SYN3: variants seen among roughly 807,000 people sequenced by gnomAD.
The protein encoded by SYN3 is synapsin-3.
A neutral mutation model predicts 65.8 loss-of-function variants in SYN3; 35 were observed. That is an observed-to-expected ratio of 0.53 (90% CI 0.41 to 0.70). The LOEUF (loss-of-function observed/expected upper bound fraction) is 0.70, where lower values mean the gene tolerates loss of function less well. SYN3 is among the 30% of genes least tolerant of loss of function. SYN3 has a pLI of 0.00. For missense variants in SYN3, 680 were observed against 749.0 expected, an observed-to-expected ratio of 0.91 and a Z score of 1.08; for synonymous variants, 270 against 292.9, an observed-to-expected ratio of 0.92 and a Z score of 0.80.
chr22:32,995,429 C>T (rs1287478241), intron 2 of SYN3, among the ~76,000 whole-genome samples: 1 of 152,178 alleles, frequency 6.6e-6, no homozygotes, highest in African/African-American at 2.4e-5. Flanking sequence ...CATTCATTGT[C>T]TATCTAAGTA....
chr22:32,644,113 T>C (rs1011067586), intron 6 of SYN3, among the ~76,000 whole-genome samples: 10 of 120,352 alleles, frequency 8.3e-5, no homozygotes, highest in Admixed American at 2.1e-4. Flanking sequence ...GCGACAAGAC[T>C]GACTGATGAT....
chr22:32,540,326 G>T (rs1233767744), intron 8 of SYN3, among the ~76,000 whole-genome samples: 2 of 152,192 alleles, frequency 1.3e-5, no homozygotes, highest in African/African-American at 4.8e-5. Flanking sequence ...TGTGGTTGTG[G>T]TTTGCCAACC....
chr22:32,545,693 TG>T (rs35817208), intron 7 of SYN3, among the ~76,000 whole-genome samples: 1 of 152,184 alleles, frequency 6.6e-6, no homozygotes, highest in South Asian at 2.1e-4. Flanking sequence ...CTCAAGTAGC[TG>T]GGACTACAGG....
At position 32,603,356 on chromosome 22, in the gene SYN3, C is replaced by CAAA. The variant is rs10670581; in HGVS notation, c.712-6623_712-6621dup. On this transcript the variant is annotated intron_variant, in intron 6 of 13. Transcript: ENST00000358763. Reference sequence around the variant, plus strand: ...TGAAATCCCATCTCTACTAAAAATACAAAAAAAAAAAAAAATAGCCAGGTA... The same window carrying CAAA: ...TGAAATCCCATCTCTACTAAAAATACAAAAAAAAAAAAAAAAAATAGCCAGGTA... Among the ~76,000 whole-genome samples the CAAA allele has an allele frequency of 8.3e-3, 1,045 of 125,956 alleles. 13 individuals are homozygous for CAAA. The highest frequency in any genetic ancestry group is 0.027 in the African/African-American group (926 of 34,720). The allele number at this position is 125,956 out of a possible 152,430, so 82.6% of individuals were successfully genotyped here. A position where few individuals can be genotyped will look rare whatever the true frequency, so the allele number is the denominator to read the frequency against.
At chr22:32,825,597 G>A (rs2047379450) in intron 6 of SYN3, among the ~76,000 whole-genome samples, 1 of 137,696 alleles carries the variant, frequency 7.3e-6, no homozygotes, top group Admixed American at 7.9e-5. Context: ...GGCAGAGGTT[G>A]CAGTGAGCCG....
At chr22:32,773,188 C>T (rs949311174) in intron 6 of SYN3, among the ~76,000 whole-genome samples, 1 of 150,774 alleles carries the variant, frequency 6.6e-6, no homozygotes, top group Non-Finnish European at 1.5e-5. Flanking sequence ...GGGCAGATTG[C>T]CTGAGCTTAG....
intron 7 of SYN3, among the ~76,000 whole-genome samples, chr22:32,581,178 C>T (rs982083256): frequency 2.6e-5 from 4 of 152,156 alleles, no homozygotes; most frequent in African/African-American, 4.8e-5. Flanking sequence ...GGTGCAATCT[C>T]GGCTCACTGC....
intron 6 of SYN3, among the ~76,000 whole-genome samples, chr22:32,608,878 T>G (rs970799202): frequency 6.6e-6 from 1 of 152,246 alleles, no homozygotes; most frequent in Non-Finnish European, 1.5e-5. Flanking sequence ...TAATTTAAAC[T>G]GATACGCAGT....
At chr22:32,514,284 T>A (rs1161772698) in intron 13 of SYN3, among the ~76,000 whole-genome samples, 1 of 152,200 alleles carries the variant, frequency 6.6e-6, no homozygotes, top group Non-Finnish European at 1.5e-5. Flanking sequence ...TTCTAGAACC[T>A]TCTCTGCTCT....
intron 1 of SYN3, among the ~76,000 whole-genome samples, chr22:33,034,134 C>G (rs577471461): frequency 6.7e-6 from 1 of 148,414 alleles, no homozygotes. Flanking sequence ...TGCAGTGAGT[C>G]GAGATTGTGC....
chr22:32,888,042 T>C (rs1190785715), intron 4 of SYN3, among the ~76,000 whole-genome samples: 2 of 152,120 alleles, frequency 1.3e-5, no homozygotes, highest in African/African-American at 2.4e-5. Context: ...CAATACCTCA[T>C]TATAGTTTTT....
intron 6 of SYN3, among the ~76,000 whole-genome samples, chr22:32,612,963 G>A (rs2059466468): frequency 6.6e-6 from 1 of 152,158 alleles, no homozygotes; most frequent in African/African-American, 2.4e-5. Context: ...GGATCATGGG[G>A]GCAGATTTCT....
chr22:32,990,491 C>G (rs1019173071), intron 2 of SYN3, among the ~76,000 whole-genome samples: 3 of 151,470 alleles, frequency 2.0e-5, no homozygotes, highest in East Asian at 1.9e-4. Flanking sequence ...CATCCATCCA[C>G]ACATTCGCCC....
chr22:32,814,350 A>G (rs1445928231), intron 6 of SYN3, among the ~76,000 whole-genome samples: 6 of 131,544 alleles, frequency 4.6e-5, no homozygotes, highest in South Asian at 2.5e-4. Context: ...AGAAAGAAAG[A>G]GAGAAAGAAA....
At chr22:32,634,413 A>G (rs1023693166) in intron 6 of SYN3, among the ~76,000 whole-genome samples, 2 of 152,182 alleles carry the variant, frequency 1.3e-5, no homozygotes, top group African/African-American at 4.8e-5. Context: ...ACTGAATTCA[A>G]ATATATGTTC....
chr22:32,735,949 C>A (rs1001714290), intron 6 of SYN3, among the ~76,000 whole-genome samples: 6 of 152,158 alleles, frequency 3.9e-5, no homozygotes, highest in Non-Finnish European at 8.8e-5. Flanking sequence ...AGGGGGATGG[C>A]AGCAAGGGGC....
intron 4 of SYN3, among the ~76,000 whole-genome samples, chr22:32,885,933 C>T (rs1289727331): frequency 6.6e-6 from 1 of 152,212 alleles, no homozygotes; most frequent in Non-Finnish European, 1.5e-5. Flanking sequence ...AACCAGGATT[C>T]ACCTCATGGC....
intron 6 of SYN3, among the ~76,000 whole-genome samples, chr22:32,615,487 A>AG (rs1322239279): frequency 4.7e-5 from 7 of 149,794 alleles, no homozygotes; most frequent in Non-Finnish European, 1.0e-4. Context: ...GGAGAAATGG[A>AG]GTCAGGGAGG....
intron 1 of SYN3, among the ~76,000 whole-genome samples, chr22:33,020,093 T>C (rs1385574285): frequency 6.6e-6 from 1 of 152,168 alleles, no homozygotes; most frequent in East Asian, 1.9e-4. Context: ...CATTAATGCT[T>C]AGAGACTCTG....
Sources: gnomAD v4.1 joint callset for allele counts (sites outside exome capture counted in the v4.1 genomes callset) on GRCh38, gnomAD v4.1.1 for gene constraint, MANE v1.5 for transcripts, NCBI Gene and HGNC (gene_info 2026-07-23, HGNC 2026-07-21) for gene names.